The following CA8 variants were observed in gnomAD, a reference collection of about 807,000 sequenced individuals.
CA8 encodes the protein carbonic anhydrase-related protein.
In CA8, 22 loss-of-function variants were observed where a neutral mutation model predicts 41.4. The observed-to-expected ratio is 0.53, with a 90% CI of 0.38 to 0.76. CA8 has a LOEUF of 0.76. Among genes scored for constraint, CA8 ranks in the 30% least tolerant of loss-of-function variants. The pLI is 0.00. For synonymous variants in CA8, 121 were observed against 130.6 expected, an observed-to-expected ratio of 0.93 and a Z score of 0.50; for missense variants, 270 against 352.8, an observed-to-expected ratio of 0.77 and a Z score of 1.88.
chr8:60,279,588 C>G (rs769488218), intron 2 of CA8, 101 bp downstream of exon 2: 2 of 994,700 alleles, frequency 2.0e-6, no homozygotes, highest in Non-Finnish European at 3.2e-6. Flanking sequence ...AATAGAGATA[C>G]GTCAGTTGTA....
intron 8 of CA8, among the ~76,000 whole-genome samples, chr8:60,205,635 T>C (rs1425777035): frequency 6.6e-6 from 1 of 152,166 alleles, no homozygotes; most frequent in African/African-American, 2.4e-5. Flanking sequence ...ATACTAATTC[T>C]TTAAACAAGT....
At chr8:60,228,790 T>C (rs1807534489) in intron 4 of CA8, among the ~76,000 whole-genome samples, 1 of 152,214 alleles carries the variant, frequency 6.6e-6, no homozygotes. Context: ...TTTTTCCATA[T>C]AGTAGCTCTT....
intron 3 of CA8, among the ~76,000 whole-genome samples, chr8:60,258,042 G>A (rs1803607275): frequency 6.6e-6 from 1 of 152,208 alleles, no homozygotes; most frequent in Non-Finnish European, 1.5e-5. Context: ...GTAGTGTGAT[G>A]AAATCGCACG....
At chr8:60,201,400 A>C (rs1806424061) in intron 8 of CA8, among the ~76,000 whole-genome samples, 1 of 152,124 alleles carries the variant, frequency 6.6e-6, no homozygotes, top group Admixed American at 6.5e-5. Context: ...CATTAAGTGG[A>C]CTCCAACATT....
intron 3 of CA8, among the ~76,000 whole-genome samples, chr8:60,241,090 T>G (rs1192498473): frequency 6.6e-6 from 1 of 152,180 alleles, no homozygotes; most frequent in Non-Finnish European, 1.5e-5. Flanking sequence ...AAGCAGCCCA[T>G]TCATCAGCAG....
chr8:60,188,017 T>C lies in CA8; in HGVS notation c.*2004A>G, dbSNP rs1806010562. 1 of 152,214 alleles carries C rather than the reference T, an allele frequency of 6.6e-6. No homozygotes were observed. Among genetic ancestry groups the C allele is most frequent in the Non-Finnish European group, 1.5e-5 (1 of 68,030 alleles). 9.4% of individuals were successfully genotyped at this position (152,214 alleles called of 1,614,324 possible). A position where few individuals can be genotyped will look rare whatever the true frequency, so the allele number is the denominator to read the frequency against. On this transcript the variant is annotated 3_prime_UTR_variant, in exon 9 of 9. Coordinates refer to ENST00000317995, the MANE Select transcript of CA8 (RefSeq NM_004056.6). ...ATTCATATTCTGAATCTGAGGTAACTAACTGTGGAATTAAAGGATTTTCCA... is the reference window on the plus strand; with the variant it reads ...ATTCATATTCTGAATCTGAGGTAACCAACTGTGGAATTAAAGGATTTTCCA...
Position 60,281,367 on chromosome 8 carries a change from A to G in CA8, c.-220T>C. On this transcript the variant is annotated 5_prime_UTR_variant, in exon 1 of 9. Transcript: ENST00000317995. Reference sequence around the variant, plus strand: ...AGACCCGCGTGGGAAGCGCGTCCGGAGGCCCCAGCAGAGCGAGGGAGCGGC... The same window carrying G: ...AGACCCGCGTGGGAAGCGCGTCCGGGGGCCCCAGCAGAGCGAGGGAGCGGC... The G allele has an allele frequency of 3.5e-6, 2 of 563,896 alleles. No homozygotes were observed. Among genetic ancestry groups the G allele is most frequent in the Non-Finnish European group, 3.2e-6 (1 of 316,128 alleles). 34.9% of individuals were successfully genotyped at this position (563,896 alleles called of 1,614,324 possible).
intron 7 of CA8, among the ~76,000 whole-genome samples, chr8:60,222,167 C>CG (rs1020828874): frequency 3.9e-5 from 6 of 152,128 alleles, no homozygotes; most frequent in African/African-American, 9.7e-5. Context: ...AGCCCAAGGC[C>CG]GGGGGTGGGC....
At chr8:60,203,359 T>C (rs1190649363) in intron 8 of CA8, among the ~76,000 whole-genome samples, 3 of 152,326 alleles carry the variant, frequency 2.0e-5, no homozygotes, top group Middle Eastern at 3.4e-3. Context: ...TGATTGTCAC[T>C]ACTCTTACAC....
chr8:60,230,399 G>A (rs1807602188), intron 4 of CA8, among the ~76,000 whole-genome samples: 1 of 152,120 alleles, frequency 6.6e-6, no homozygotes, highest in African/African-American at 2.4e-5. Context: ...ACTACATGCA[G>A]ATCTCAGATC....
At chr8:60,192,736 A>C (rs565201429) in intron 8 of CA8, among the ~76,000 whole-genome samples, 3 of 152,138 alleles carry the variant, frequency 2.0e-5, no homozygotes, top group South Asian at 4.1e-4. Flanking sequence ...AAAGTTTTTA[A>C]ATGTTTGTTA....
At chr8:60,204,040 A>G (rs1307698720) in intron 8 of CA8, among the ~76,000 whole-genome samples, 1 of 152,194 alleles carries the variant, frequency 6.6e-6, no homozygotes, top group Non-Finnish European at 1.5e-5. Flanking sequence ...TAGGAACCTC[A>G]AGTATTTAAT....
chr8:60,225,427 A>T (rs999339293), intron 5 of CA8, among the ~76,000 whole-genome samples: 4 of 152,162 alleles, frequency 2.6e-5, no homozygotes, highest in African/African-American at 9.7e-5. Context: ...TTCCATAATG[A>T]CTGGTGTCCT....
intron 8 of CA8, among the ~76,000 whole-genome samples, chr8:60,207,689 CCTATT>C (rs1806676580): frequency 6.6e-6 from 1 of 152,212 alleles, no homozygotes; most frequent in South Asian, 2.1e-4. Context: ...CTCCACTGTT[CCTATT>C]CTAGTGTCCA....
chr8:60,212,650 A>T (rs2130435122), intron 7 of CA8, among the ~76,000 whole-genome samples: 1 of 152,336 alleles, frequency 6.6e-6, no homozygotes, highest in South Asian at 2.1e-4. Flanking sequence ...AGGAAGCAGA[A>T]ATGGGGATGT....
chr8:60,251,148 T>C (rs1421202469), intron 3 of CA8, among the ~76,000 whole-genome samples: 1 of 152,168 alleles, frequency 6.6e-6, no homozygotes, highest in Non-Finnish European at 1.5e-5. Context: ...TGAACACAGA[T>C]TCAAAGATGC....
At chr8:60,267,336 T>C (rs1205630774) in intron 2 of CA8, among the ~76,000 whole-genome samples, 1 of 152,174 alleles carries the variant, frequency 6.6e-6, no homozygotes, top group Non-Finnish European at 1.5e-5. Flanking sequence ...CCTACAAATC[T>C]ACTCCCAAGC....
rs563796221 is a variant in CA8, at chr8:60,257,654, C to T, written c.417+8271G>A. 1.0e-3 allele frequency among the ~76,000 whole-genome samples: 156 copies of T among 152,228 alleles called. 2 individuals are homozygous for T. In the South Asian group the frequency reaches 0.024, roughly 24 times the overall value. ...GAACCTACACCTTTCTTAACTCTTC[C>T]CCATCAAGAAAATTTTCCTACCCTG... On this transcript the variant is annotated intron_variant, in intron 3 of 8. Coordinates refer to ENST00000317995, the MANE Select transcript of CA8 (RefSeq NM_004056.6).
intron 4 of CA8, among the ~76,000 whole-genome samples, chr8:60,229,329 C>T (rs539832971): frequency 1.2e-4 from 19 of 152,262 alleles, no homozygotes; most frequent in South Asian, 2.1e-4. Flanking sequence ...TTCAAGTGGA[C>T]GCCATGCAGT....
Sources: gnomAD v4.1 joint callset for allele counts (sites outside exome capture counted in the v4.1 genomes callset) on GRCh38, gnomAD v4.1.1 for gene constraint, MANE v1.5 for transcripts, NCBI Gene and HGNC (gene_info 2026-07-23, HGNC 2026-07-21) for gene names.